CNTNAP2: variants seen among roughly 807,000 people sequenced by gnomAD.
CNTNAP2 encodes contactin-associated protein-like 2.
Under a neutral mutation model 155.2 loss-of-function variants are expected in CNTNAP2, and 98 were observed. The observed-to-expected ratio is 0.63, with a 90% CI of 0.54 to 0.75. The LOEUF (loss-of-function observed/expected upper bound fraction) is 0.75. CNTNAP2 is among the 30% of genes least tolerant of loss of function. The pLI is 0.00. For missense variants in CNTNAP2, 1,727 were observed against 1,688.1 expected (o/e 1.02, Z -0.40); for synonymous variants, 651 against 631.2 (o/e 1.03, Z -0.47).
At chr7:146,297,536 T>C (rs994434905) in intron 1 of CNTNAP2, among the ~76,000 whole-genome samples, 1 of 151,864 alleles carries the variant, frequency 6.6e-6, no homozygotes, top group Non-Finnish European at 1.5e-5. Flanking sequence ...AATAAAGGCA[T>C]GTAAAGCATA....
chr7:146,162,569 C>G (rs1012414618), intron 1 of CNTNAP2, among the ~76,000 whole-genome samples: 5 of 152,192 alleles, frequency 3.3e-5, no homozygotes, highest in African/African-American at 1.2e-4. Flanking sequence ...GGACTGTAAA[C>G]TAGTTCAACC....
intron 20 of CNTNAP2, among the ~76,000 whole-genome samples, chr7:148,248,180 A>T (rs1233641386): frequency 6.7e-6 from 1 of 149,668 alleles, no homozygotes; most frequent in Non-Finnish European, 1.5e-5. Context: ...ATAAAGTCAC[A>T]GATTAGTTTT....
intron 8 of CNTNAP2, among the ~76,000 whole-genome samples, chr7:147,199,118 T>C (rs1802869736): frequency 6.6e-6 from 1 of 152,030 alleles, no homozygotes; most frequent in African/African-American, 2.4e-5. Context: ...CACACCGTCA[T>C]GGCTGGCTAA....
At position 147,210,096 on chromosome 7, in the gene CNTNAP2, T is replaced by C. The variant is rs182012091; in HGVS notation, c.1348+77587T>C. 4.6e-5 allele frequency among the ~76,000 whole-genome samples: 7 copies of C among 152,168 alleles called. No individual in the cohort carries two copies. In the East Asian group the frequency reaches 1.4e-3, roughly 29 times the overall value. ...TTTCCAGGTTTGGGTATTAGGATGATGCTAGCTTTGTACAGTGAGTTAGGG... is the reference window on the plus strand; with the variant it reads ...TTTCCAGGTTTGGGTATTAGGATGACGCTAGCTTTGTACAGTGAGTTAGGG... On this transcript the variant is annotated intron_variant, in intron 8 of 23. Transcript: ENST00000361727.
chr7:147,129,708 G>A (rs551853113), intron 7 of CNTNAP2, among the ~76,000 whole-genome samples: 70 of 152,094 alleles, frequency 4.6e-4, no homozygotes, highest in Non-Finnish European at 7.9e-4. Flanking sequence ...TGATGGTCTC[G>A]TTGCCTCAAA....
intron 2 of CNTNAP2, among the ~76,000 whole-genome samples, chr7:146,802,605 C>T (rs1274463599): frequency 6.6e-6 from 1 of 152,058 alleles, no homozygotes; most frequent in Non-Finnish European, 1.5e-5. Flanking sequence ...TCTTTGTTTC[C>T]TGTCTCCTGC....
At chr7:147,155,986 G>A (rs1801918112) in intron 8 of CNTNAP2, among the ~76,000 whole-genome samples, 1 of 152,058 alleles carries the variant, frequency 6.6e-6, no homozygotes, top group African/African-American at 2.4e-5. Flanking sequence ...GTAGGTGCAT[G>A]GATTAAAGGA....
chr7:146,307,498 C>G (rs978264129), intron 1 of CNTNAP2, among the ~76,000 whole-genome samples: 1 of 152,030 alleles, frequency 6.6e-6, no homozygotes, highest in African/African-American at 2.4e-5. Context: ...TCATATGGAA[C>G]CAAAAAAGAG....
At chr7:146,827,713 A>G (rs1413396668) in intron 2 of CNTNAP2, among the ~76,000 whole-genome samples, 1 of 152,090 alleles carries the variant, frequency 6.6e-6, no homozygotes, top group African/African-American at 2.4e-5. Context: ...GAAAACTGAC[A>G]TAACTTTTCC....
At chr7:147,225,147 G>C (rs1004491024) in intron 8 of CNTNAP2, among the ~76,000 whole-genome samples, 1 of 152,134 alleles carries the variant, frequency 6.6e-6, no homozygotes, top group Non-Finnish European at 1.5e-5. Flanking sequence ...CTTTCAAATA[G>C]AAGTGACAAT....
intron 21 of CNTNAP2, among the ~76,000 whole-genome samples, chr7:148,320,379 T>A (rs966343167): frequency 5.2e-4 from 37 of 71,086 alleles, no homozygotes; most frequent in African/African-American, 1.6e-3. Context: ...TTTTTTTCTT[T>A]TTTTTTTTTT....
chr7:148,115,834 A>G (rs1202002814), intron 15 of CNTNAP2, among the ~76,000 whole-genome samples: 5 of 151,782 alleles, frequency 3.3e-5, no homozygotes, highest in Admixed American at 6.6e-5. Context: ...ATGATTTTAT[A>G]CTTTGTTTAA....
intron 22 of CNTNAP2, among the ~76,000 whole-genome samples, chr7:148,384,437 G>A (rs1017070189): frequency 3.3e-5 from 5 of 152,206 alleles, no homozygotes; most frequent in African/African-American, 7.2e-5. Context: ...TCAAATGAAA[G>A]GATGTAGCTG....
At chr7:146,913,119 G>C (rs539286753) in intron 3 of CNTNAP2, among the ~76,000 whole-genome samples, 10 of 152,232 alleles carry the variant, frequency 6.6e-5, no homozygotes, top group Admixed American at 2.0e-4. Flanking sequence ...TAGAGAAAGA[G>C]GGCCTGAACC....
intron 10 of CNTNAP2, among the ~76,000 whole-genome samples, chr7:147,476,263 G>A (rs1208030437): frequency 1.3e-5 from 2 of 151,782 alleles, no homozygotes; most frequent in Non-Finnish European, 2.9e-5. Context: ...CCGCCACCAT[G>A]CCCAGCTACT....
intron 15 of CNTNAP2, among the ~76,000 whole-genome samples, chr7:147,978,642 A>T (rs185777952): frequency 1.1e-4 from 16 of 152,182 alleles, no homozygotes; most frequent in African/African-American, 3.6e-4. Context: ...GTTGTTTGAT[A>T]CCCTTCGGTG....
At position 146,153,062 on chromosome 7, in the gene CNTNAP2, T is replaced by G. The variant is rs373466905; in HGVS notation, c.97+36089T>G. On this transcript the variant is annotated intron_variant, in intron 1 of 23. Transcript: ENST00000361727. ...TTCGTGTATTTCACATTGAGTTGCA[T>G]CATAGTAAAATCAAGGTGTATATCA... Among the ~76,000 whole-genome samples, 109 of 152,320 alleles carry G rather than the reference T, an allele frequency of 7.2e-4. 1 individual carries two copies. Among genetic ancestry groups the G allele is most frequent in the African/African-American group, 2.5e-3 (104 of 41,592 alleles).
intron 9 of CNTNAP2, among the ~76,000 whole-genome samples, chr7:147,363,427 C>G (rs1031097311): frequency 6.6e-6 from 1 of 152,158 alleles, no homozygotes; most frequent in Non-Finnish European, 1.5e-5. Flanking sequence ...GAGAATGTGA[C>G]TGTTATTTGT....
intron 11 of CNTNAP2, among the ~76,000 whole-genome samples, chr7:147,535,581 G>T (rs1024924761): frequency 6.6e-6 from 1 of 152,070 alleles, no homozygotes; most frequent in Non-Finnish European, 1.5e-5. Flanking sequence ...CTTGCTTTTG[G>T]ATGAATAAAT....
Sources: gnomAD v4.1 joint callset for allele counts (sites outside exome capture counted in the v4.1 genomes callset) on GRCh38, gnomAD v4.1.1 for gene constraint, MANE v1.5 for transcripts, NCBI Gene and HGNC (gene_info 2026-07-23, HGNC 2026-07-21) for gene names.